MAN1C1: variants seen among roughly 807,000 people sequenced by gnomAD.
MAN1C1 encodes the protein mannosidase alpha class 1C member 1, also known as mannosyl-oligosaccharide 1,2-alpha-mannosidase IC.
In MAN1C1, 49 loss-of-function variants were observed where a neutral mutation model predicts 71.5. The observed-to-expected ratio is 0.69, with a 90% CI of 0.54 to 0.87. MAN1C1 has a LOEUF of 0.87. Among genes scored for constraint, MAN1C1 ranks in the 40% least tolerant of loss-of-function variants. The probability of loss-of-function intolerance (pLI) is 0.00; values close to 1 mark genes in which losing one functional copy is unlikely to be tolerated. For synonymous variants in MAN1C1, 352 were observed against 343.7 expected (o/e 1.02, Z -0.27); for missense variants, 743 against 835.0 (o/e 0.89, Z 1.36).
chr1:25,674,753 G>A (rs1296574172), intron 1 of MAN1C1, among the ~76,000 whole-genome samples: 1 of 105,646 alleles, frequency 9.5e-6, no homozygotes, highest in African/African-American at 3.9e-5. Flanking sequence ...GCTGACTGAA[G>A]GCGTGAGTGG....
At chr1:25,747,900 A>G (rs933107397) in intron 3 of MAN1C1, among the ~76,000 whole-genome samples, 3 of 151,962 alleles carry the variant, frequency 2.0e-5, no homozygotes, top group Non-Finnish European at 4.4e-5. Context: ...TTATAACACT[A>G]TGAAGTCTGA....
rs757862357 is a variant in MAN1C1 at position 25,753,450 on chromosome 1, G to A, written c.835-34G>A. Reference sequence around the variant, plus strand: ...GGGTTGACCTTCCCTCACCCAGCCTGGAGTCAAAAGCCCTTTGATCCCCTC... The same window carrying A: ...GGGTTGACCTTCCCTCACCCAGCCTAGAGTCAAAAGCCCTTTGATCCCCTC... On this transcript the variant is annotated intron_variant, in intron 4 of 11. Transcript: ENST00000374332. This position sits in a 1 kb window ranked among gnomAD's most constrained non-coding sequence, Gnocchi z 4.9. 1 of 1,551,888 alleles carries A rather than the reference G, an allele frequency of 6.4e-7. No individual in the cohort carries two copies. Among genetic ancestry groups the A allele is most frequent in the Non-Finnish European group, 8.8e-7 (1 of 1,130,116 alleles).
At chr1:25,700,589 A>G (rs2046428930) in intron 2 of MAN1C1, among the ~76,000 whole-genome samples, 1 of 152,220 alleles carries the variant, frequency 6.6e-6, no homozygotes, top group South Asian at 2.1e-4. Flanking sequence ...ACCAGACATG[A>G]TGCCGGCCTA....
At chr1:25,763,224 C>T (rs536328524) in intron 6 of MAN1C1, among the ~76,000 whole-genome samples, 20 of 152,082 alleles carry the variant, frequency 1.3e-4, no homozygotes, top group South Asian at 1.2e-3. Context: ...GCTGAGATTG[C>T]GCTACCGCAC....
rs764714305 is a variant in MAN1C1, at chr1:25,778,318, C to T, written c.1471C>T (p.Arg491Cys). The change falls in exon 9 of 12, where the codon CGC (arginine) becomes TGC (cysteine). Residue 491 changes from arginine (R) to cysteine (C), a missense_variant. Arg to Cys is a radical substitution (Grantham distance 180). Coordinates refer to ENST00000374332, the MANE Select transcript of MAN1C1 (RefSeq NM_020379.4). The surrounding 1 kb of genome is among the most constrained non-coding windows in gnomAD (Gnocchi z 5.5). ...CAAGACGTGTCACGAGTCATACGCCCGCTCAGGTAACCCTGCAAGGGGAAG... is the reference window on the plus strand; with the variant it reads ...CAAGACGTGTCACGAGTCATACGCCTGCTCAGGTAACCCTGCAAGGGGAAG... ...ITKTCHESYA[R>C]SDTKLGPEAF... The T allele has an allele frequency of 9.3e-6, 15 of 1,607,900 alleles. No individual in the cohort carries two copies. Among genetic ancestry groups the T allele is most frequent in the South Asian group, 5.5e-5 (5 of 90,656 alleles).
intron 2 of MAN1C1, among the ~76,000 whole-genome samples, chr1:25,718,083 T>C (rs2046708056): frequency 6.6e-6 from 1 of 152,170 alleles, no homozygotes. Flanking sequence ...TTGTTCGGGG[T>C]GTAACTTCCT....
intron 5 of MAN1C1, among the ~76,000 whole-genome samples, chr1:25,756,286 G>T (rs982724136): frequency 6.6e-6 from 1 of 152,256 alleles, no homozygotes; most frequent in African/African-American, 2.4e-5. Flanking sequence ...AGGTCACTTT[G>T]TTGGGACCCG....
At chr1:25,688,770 A>G (rs1481755766) in intron 2 of MAN1C1, among the ~76,000 whole-genome samples, 1 of 152,214 alleles carries the variant, frequency 6.6e-6, no homozygotes, top group Admixed American at 6.5e-5. Context: ...TGGGACTGCT[A>G]TAAGGATATA....
chr1:25,781,211 C>A, intron 10 of MAN1C1, 99 bp downstream of exon 10: 2 of 1,311,950 alleles, frequency 1.5e-6, no homozygotes, highest in Non-Finnish European at 2.1e-6. Flanking sequence ...AGTGGAAGGC[C>A]AAGCCACGTT....
intron 2 of MAN1C1, among the ~76,000 whole-genome samples, chr1:25,686,881 G>T (rs2046238790): frequency 1.3e-5 from 2 of 152,192 alleles, no homozygotes; most frequent in Non-Finnish European, 2.9e-5. Context: ...AGAGGACCAG[G>T]TTTAAATCCA....
At chr1:25,720,758 A>G (rs118173384) in intron 2 of MAN1C1, among the ~76,000 whole-genome samples, 1,965 of 152,332 alleles carry the variant, frequency 0.013, 88 homozygotes, top group Admixed American at 0.088. Flanking sequence ...ACCCAAGGTC[A>G]TGAACATAAT....
At chr1:25,623,589 A>G (rs1406436896) in intron 1 of MAN1C1, among the ~76,000 whole-genome samples, 3 of 152,208 alleles carry the variant, frequency 2.0e-5, no homozygotes, top group Non-Finnish European at 4.4e-5. Flanking sequence ...ATTGTGATAT[A>G]TATCAGGCAT....
At chr1:25,661,226 ACCTCTATG>A (rs1451131501) in intron 1 of MAN1C1, among the ~76,000 whole-genome samples, 1 of 152,136 alleles carries the variant, frequency 6.6e-6, no homozygotes, top group Non-Finnish European at 1.5e-5. Flanking sequence ...GTATTTCATC[ACCTCTATG>A]CCTTTGCTCC....
chr1:25,618,646 A>G (rs1180208580), intron 1 of MAN1C1, among the ~76,000 whole-genome samples: 16 of 151,614 alleles, frequency 1.1e-4, no homozygotes, highest in Non-Finnish European at 2.4e-4. Flanking sequence ...AGGCCCAGTG[A>G]GCTCCACTCC....
intron 1 of MAN1C1, among the ~76,000 whole-genome samples, chr1:25,678,812 G>T (rs2046104680): frequency 6.6e-6 from 1 of 152,102 alleles, no homozygotes; most frequent in African/African-American, 2.4e-5. Flanking sequence ...TCATAATTAT[G>T]GGAAGAAACA....
intron 1 of MAN1C1, among the ~76,000 whole-genome samples, chr1:25,664,855 TCTCC>T (rs1372953361): frequency 6.6e-6 from 1 of 152,228 alleles, no homozygotes. Flanking sequence ...GGTGGCCCAG[TCTCC>T]AGCCATTGCT....
At chr1:25,770,171 G>A (rs1216270846) in intron 7 of MAN1C1, among the ~76,000 whole-genome samples, 7 of 152,210 alleles carry the variant, frequency 4.6e-5, no homozygotes, top group African/African-American at 1.4e-4. Context: ...AGGAAGGAGA[G>A]AGGTGCCACT....
intron 9 of MAN1C1, 116 bp from the exon 10 acceptor site, chr1:25,780,824 A>T: frequency 9.1e-7 from 1 of 1,096,764 alleles, no homozygotes; most frequent in Non-Finnish European, 1.3e-6. Context: ...CCCCACACCC[A>T]CACACACCTG....
At chr1:25,649,194 G>A (rs2045656730) in intron 1 of MAN1C1, among the ~76,000 whole-genome samples, 1 of 152,220 alleles carries the variant, frequency 6.6e-6, no homozygotes, top group Non-Finnish European at 1.5e-5. Context: ...CCACGCATGA[G>A]TACTCAGAAG....
Sources: allele counts gnomAD v4.1 joint callset (sites outside exome capture counted in the v4.1 genomes callset), GRCh38; gene constraint gnomAD v4.1.1; non-coding constraint Gnocchi (gnomAD v3.1); transcripts MANE v1.5; gene names NCBI Gene and HGNC (gene_info 2026-07-23, HGNC 2026-07-21).